Variants in SLC35F3 observed in about 807,000 individuals in gnomAD.
SLC35F3 encodes the protein solute carrier family 35 member F3.
In SLC35F3, 25 loss-of-function variants were observed where a neutral mutation model predicts 49.9. The ratio of observed to expected loss-of-function variants is 0.50; its 90% CI spans 0.37 to 0.70. SLC35F3 has a LOEUF of 0.70. Ranked by LOEUF, SLC35F3 falls within the 30% of genes least tolerant of loss-of-function variation. The pLI is 0.00. For missense variants in SLC35F3, 525 were observed against 639.8 expected, an observed-to-expected ratio of 0.82 and a Z score of 1.94; for synonymous variants, 275 against 265.4, an observed-to-expected ratio of 1.04 and a Z score of -0.35.
intron 2 of SLC35F3, among the ~76,000 whole-genome samples, chr1:234,074,620 G>A (rs898935537): frequency 2.0e-5 from 3 of 152,098 alleles, no homozygotes; most frequent in African/African-American, 4.8e-5. Context: ...GAGCTCAAGC[G>A]GAATTTTAAA....
chr1:234,021,372 G>A (rs141584012), intron 2 of SLC35F3, among the ~76,000 whole-genome samples: 2 of 152,146 alleles, frequency 1.3e-5, no homozygotes, highest in Admixed American at 6.5e-5. Flanking sequence ...TCAGAAACCC[G>A]AAGACCCCAA....
intron 2 of SLC35F3, among the ~76,000 whole-genome samples, chr1:234,096,501 G>A (rs1459302821): frequency 1.3e-5 from 2 of 152,148 alleles, no homozygotes; most frequent in Non-Finnish European, 2.9e-5. Context: ...AAAGAATGTA[G>A]TCCATCTCTA....
chr1:234,152,552 T>C (rs1666092104), intron 2 of SLC35F3, among the ~76,000 whole-genome samples: 1 of 152,200 alleles, frequency 6.6e-6, no homozygotes, highest in Admixed American at 6.5e-5. Flanking sequence ...GCAAAGGACA[T>C]GAACTCATCC....
At chr1:233,944,324 CT>C (rs1375902858) in intron 2 of SLC35F3, among the ~76,000 whole-genome samples, 11 of 152,106 alleles carry the variant, frequency 7.2e-5, no homozygotes, top group African/African-American at 2.7e-4. Flanking sequence ...TGAACACTTG[CT>C]TCATTTATTT....
chr1:234,071,175 C>A (rs1664708333), intron 2 of SLC35F3, among the ~76,000 whole-genome samples: 1 of 152,220 alleles, frequency 6.6e-6, no homozygotes, highest in Non-Finnish European at 1.5e-5. Flanking sequence ...AGTCAAGAAT[C>A]TATCAATAAT....
At chr1:234,280,519 A>G (rs907222995) in intron 3 of SLC35F3, among the ~76,000 whole-genome samples, 2 of 152,206 alleles carry the variant, frequency 1.3e-5, no homozygotes, top group African/African-American at 4.8e-5. Context: ...CACAATATTG[A>G]GCTTGACAGC....
intron 2 of SLC35F3, among the ~76,000 whole-genome samples, chr1:233,963,892 G>A (rs530409461): frequency 6.6e-6 from 1 of 150,966 alleles, no homozygotes; most frequent in South Asian, 2.1e-4. Context: ...CTGGGTTCTG[G>A]AGCCTAGTTT....
intron 2 of SLC35F3, among the ~76,000 whole-genome samples, chr1:233,946,648 G>A (rs77948456): frequency 0.11 from 16,840 of 152,260 alleles, 1,144 homozygotes; most frequent in Non-Finnish European, 0.16. Flanking sequence ...GTTATGGTCA[G>A]TGGATGTTGA....
At chr1:234,004,483 T>C (rs1335681742) in intron 2 of SLC35F3, among the ~76,000 whole-genome samples, 1 of 152,174 alleles carries the variant, frequency 6.6e-6, no homozygotes, top group African/African-American at 2.4e-5. Context: ...TCAATTATCA[T>C]AATTTTGGTT....
chr1:234,087,190 G>A (rs1664974062), intron 2 of SLC35F3, among the ~76,000 whole-genome samples: 1 of 152,164 alleles, frequency 6.6e-6, no homozygotes, highest in African/African-American at 2.4e-5. Flanking sequence ...ATCTAGGGAT[G>A]GGGAAAGGGA....
At chr1:234,161,474 CTT>C in intron 2 of SLC35F3, among the ~76,000 whole-genome samples, 1 of 152,144 alleles carries the variant, frequency 6.6e-6, no homozygotes, top group Admixed American at 6.5e-5. Context: ...ATCAAAACTC[CTT>C]GAGGCCAGGC....
intron 2 of SLC35F3, among the ~76,000 whole-genome samples, chr1:234,038,986 A>T (rs1480954923): frequency 6.6e-6 from 1 of 152,232 alleles, no homozygotes; most frequent in Admixed American, 6.5e-5. Context: ...GCATGGAGAA[A>T]TGCAGTTCTA....
At chr1:234,176,067 CCTT>C (rs1666472066) in intron 2 of SLC35F3, among the ~76,000 whole-genome samples, 2 of 152,200 alleles carry the variant, frequency 1.3e-5, no homozygotes, top group Admixed American at 6.5e-5. Flanking sequence ...CACCTTCAGC[CCTT>C]CTTCTGAGGA....
intron 2 of SLC35F3, among the ~76,000 whole-genome samples, chr1:234,058,911 C>T (rs1340255105): frequency 3.9e-5 from 6 of 151,958 alleles, no homozygotes; most frequent in African/African-American, 1.5e-4. Context: ...TAGTTTGTGT[C>T]TTTCTGGCAA....
At chr1:234,259,812 A>G (rs886975179) in intron 3 of SLC35F3, among the ~76,000 whole-genome samples, 4 of 152,072 alleles carry the variant, frequency 2.6e-5, no homozygotes, top group East Asian at 3.8e-4. Context: ...AGATATCACT[A>G]TATCTATAGA....
chr1:234,132,756 TG>T (rs1316575912), intron 2 of SLC35F3, among the ~76,000 whole-genome samples: 1 of 152,206 alleles, frequency 6.6e-6, no homozygotes, highest in East Asian at 1.9e-4. Context: ...GCTGCAAAAA[TG>T]TTTATTTTGC....
Position 234,195,928 on chromosome 1 carries a change from G to A in SLC35F3, c.284-35489G>A, listed in dbSNP as rs371799756. Among the ~76,000 whole-genome samples the A allele has an allele frequency of 4.7e-4, 72 of 151,964 alleles. No individual in the cohort carries two copies. The East Asian group carries it at 0.012, about 25-fold the overall frequency. Reference sequence around the variant, plus strand: ...TGCCACCATGTAAGACATGCCTTTCGCCTTCCACCGTGATTGTGAGGACTC... The same window carrying A: ...TGCCACCATGTAAGACATGCCTTTCACCTTCCACCGTGATTGTGAGGACTC... On this transcript the variant is annotated intron_variant, in intron 2 of 7. Coordinates refer to ENST00000366618, the MANE Select transcript of SLC35F3 (RefSeq NM_173508.4).
chr1:234,108,625 T>TAC, intron 2 of SLC35F3, among the ~76,000 whole-genome samples: 1 of 120,454 alleles, frequency 8.3e-6, no homozygotes, highest in African/African-American at 3.3e-5. Context: ...ATATAAAAGA[T>TAC]ATATATATTT....
At chr1:234,083,561 A>C (rs773054327) in intron 2 of SLC35F3, among the ~76,000 whole-genome samples, 9 of 152,156 alleles carry the variant, frequency 5.9e-5, no homozygotes, top group Non-Finnish European at 5.9e-5. Flanking sequence ...CTCTCTGAGT[A>C]CCTTCTGCAC....
Sources: allele counts gnomAD v4.1 joint callset (sites outside exome capture counted in the v4.1 genomes callset), GRCh38; gene constraint gnomAD v4.1.1; transcripts MANE v1.5; gene names NCBI Gene and HGNC (gene_info 2026-07-23, HGNC 2026-07-21).